The following VPS54 variants were observed in gnomAD, a reference collection of about 807,000 sequenced individuals.
VPS54 encodes VPS54 subunit of GARP complex.
A neutral mutation model predicts 121.5 loss-of-function variants in VPS54; 45 were observed. The observed-to-expected ratio is 0.37, with a 90% CI of 0.29 to 0.47. The LOEUF (loss-of-function observed/expected upper bound fraction) is 0.47, where lower values mean the gene tolerates loss of function less well. Among genes scored for constraint, VPS54 ranks in the 20% least tolerant of loss-of-function variants. VPS54 has a pLI of 0.99. For missense variants in VPS54, 1,090 were observed against 1,131.4 expected (o/e 0.96, Z 0.52); for synonymous variants, 371 against 385.8 (o/e 0.96, Z 0.45).
chr2:63,917,695 T>A (rs17555655), intron 15 of VPS54, among the ~76,000 whole-genome samples: 26,692 of 151,886 alleles, frequency 0.18, 3,108 homozygotes, highest in Non-Finnish European at 0.24. Flanking sequence ...TTACTATGTA[T>A]GTCAGAAGTA....
intron 3 of VPS54, chr2:63,975,596 G>A (rs1209015378): frequency 6.6e-6 from 1 of 152,342 alleles, no homozygotes; most frequent in African/African-American, 2.4e-5. Context: ...CCCCACCCAG[G>A]AACTGACTCA....
intron 11 of VPS54, among the ~76,000 whole-genome samples, chr2:63,940,898 A>G (rs573410129): frequency 2.3e-4 from 35 of 152,338 alleles, no homozygotes; most frequent in African/African-American, 8.4e-4. Flanking sequence ...TGTGTCTGTC[A>G]CTATCTATAG....
At chr2:63,974,454 G>A (rs1274370401) in intron 3 of VPS54, among the ~76,000 whole-genome samples, 1 of 152,120 alleles carries the variant, frequency 6.6e-6, no homozygotes, top group Non-Finnish European at 1.5e-5. Flanking sequence ...AAGCTTTAGA[G>A]TCAGTTTTCA....
chr2:63,974,543 T>C (rs541410802), intron 3 of VPS54, among the ~76,000 whole-genome samples: 1 of 152,344 alleles, frequency 6.6e-6, no homozygotes, highest in South Asian at 2.1e-4. Flanking sequence ...AAGAGACACC[T>C]TGACAATATT....
chr2:63,981,776 G>A lies in VPS54; in HGVS notation c.248C>T (p.Ala83Val). ...LPAALNDPRL[A>V]KRESDFFTKT... ...TGTGAAGAAGTCAGATTCTCTTTTT[G>A]CTAATCTAGGATCGTTTAATGCTGC... Residue 83 changes from alanine (A) to valine (V), a missense_variant, in exon 3 of 23, where the codon GCA (alanine) becomes GTA (valine). By Grantham distance (64) the Ala-to-Val change is moderately conservative. This residue lies in a region of VPS54 where 801 missense variants were observed against 757.0 expected (regional missense o/e 1.06). Transcript: ENST00000272322. The A allele has an allele frequency of 6.2e-7, 1 of 1,613,704 alleles. No homozygotes were observed. The highest frequency in any genetic ancestry group is 8.5e-7 in the Non-Finnish European group (1 of 1,179,774).
intron 4 of VPS54, among the ~76,000 whole-genome samples, chr2:63,971,706 G>A (rs1476893827): frequency 1.3e-5 from 2 of 152,158 alleles, no homozygotes; most frequent in African/African-American, 4.8e-5. Context: ...AATATACAGT[G>A]ATACAATTAT....
intron 17 of VPS54, 142 bp from the exon 18 acceptor site, chr2:63,913,452 T>G: frequency 2.1e-6 from 1 of 475,890 alleles, no homozygotes; most frequent in East Asian, 3.5e-5. Flanking sequence ...AATTAGTATC[T>G]ATTTATTTAA....
chr2:64,005,419 T>C (rs1037555450), intron 1 of VPS54, among the ~76,000 whole-genome samples: 8 of 152,154 alleles, frequency 5.3e-5, no homozygotes, highest in African/African-American at 1.9e-4. Context: ...TGCTTCTTAA[T>C]ACGAATCTAG....
intron 1 of VPS54, among the ~76,000 whole-genome samples, chr2:63,992,484 C>T (rs546515286): frequency 1.2e-4 from 18 of 152,368 alleles, no homozygotes; most frequent in African/African-American, 4.3e-4. Flanking sequence ...TTTAGGTTAT[C>T]CTTTTTAATG....
In VPS54 at chr2:63,968,984, G is replaced by A. The variant is rs779654691; in HGVS notation, c.465C>T (p.Ser155=). The A allele has an allele frequency of 8.7e-6, 14 of 1,600,618 alleles. No homozygotes were observed. Among genetic ancestry groups the A allele is most frequent in the Non-Finnish European group, 1.2e-5 (14 of 1,173,978 alleles). Reference sequence around the variant, plus strand: ...TAGGTACTTGCTCCAGATCTGTCCTGGATTTATCTATTTAAAAAAGAAGGG... The same window carrying A: ...TAGGTACTTGCTCCAGATCTGTCCTAGATTTATCTATTTAAAAAAGAAGGG... The part of the protein sequence containing the change: ...ERTLLHTHDK[S]RTDLEQVPKI... The change falls in exon 5 of 23, where the codon TCC becomes TCT. Residue 155 remains serine (S), a synonymous_variant. Transcript: ENST00000272322.
chr2:63,946,562 A>G (rs1026349236), intron 9 of VPS54, among the ~76,000 whole-genome samples: 2 of 152,114 alleles, frequency 1.3e-5, no homozygotes, highest in Non-Finnish European at 2.9e-5. Flanking sequence ...TTAAACTTAA[A>G]CTTTAAAAAC....
At chr2:63,894,566 G>A (rs1038385964) in intron 22 of VPS54, among the ~76,000 whole-genome samples, 10 of 151,948 alleles carry the variant, frequency 6.6e-5, no homozygotes, top group African/African-American at 1.9e-4. Flanking sequence ...AGCTGGGTGT[G>A]GTGCCACACA....
At position 63,912,570 on chromosome 2, in the gene VPS54, G is replaced by C; in HGVS notation, c.2514C>G (p.Ser838Arg). ...TGATATGATCAAAATGCCTAAGCAT[G>C]CTATATTGCTTAGGTGGTAGTCGAG... ...FEARLPPKQY[S>R]MLRHFDHITK... Residue 838 changes from serine to arginine, a missense_variant, in exon 19 of 23, where the codon AGC (serine) becomes AGG (arginine). Around this residue, in one of 2 missense-constraint regions of VPS54, gnomAD observed 289 missense variants for 374.4 expected, o/e 0.77. Coordinates refer to ENST00000272322, the MANE Select transcript of VPS54 (RefSeq NM_016516.3). The C allele has an allele frequency of 6.2e-7, 1 of 1,609,500 alleles. No homozygotes were observed. Among genetic ancestry groups the C allele is most frequent in the Non-Finnish European group, 8.5e-7 (1 of 1,178,882 alleles).
intron 21 of VPS54, among the ~76,000 whole-genome samples, chr2:63,898,295 G>A (rs1672528019): frequency 6.6e-6 from 1 of 152,162 alleles, no homozygotes; most frequent in South Asian, 2.1e-4. Flanking sequence ...CAGAAGGTTA[G>A]AATGTCAGAG....
At chr2:63,970,031 C>T (rs983555672) in intron 4 of VPS54, among the ~76,000 whole-genome samples, 1 of 151,556 alleles carries the variant, frequency 6.6e-6, no homozygotes, top group Admixed American at 6.6e-5. Flanking sequence ...AGATAAGGTA[C>T]TACTCTCCTC....
At chr2:63,965,391 G>A (rs952028647) in intron 6 of VPS54, among the ~76,000 whole-genome samples, 3 of 152,140 alleles carry the variant, frequency 2.0e-5, no homozygotes, top group African/African-American at 7.2e-5. Flanking sequence ...AAGGAGAATT[G>A]CTTGAACCCA....
intron 1 of VPS54, among the ~76,000 whole-genome samples, chr2:64,001,611 C>T: frequency 1.3e-5 from 2 of 152,072 alleles, no homozygotes; most frequent in Non-Finnish European, 1.5e-5. Flanking sequence ...GGGTCCCTCC[C>T]TTCAAGGCAA....
At chr2:63,975,077 A>C in intron 3 of VPS54, 5 of 1,535,242 alleles carry the variant, frequency 3.3e-6, no homozygotes, top group Non-Finnish European at 4.4e-6. Flanking sequence ...ACAGAGTCTC[A>C]CTCTGTCACC....
chr2:63,942,639 G>A, intron 10 of VPS54, 78 bp from the exon 11 acceptor site: 4 of 1,194,884 alleles, frequency 3.3e-6, no homozygotes, highest in Non-Finnish European at 4.7e-6. Context: ...TGGAAGAAAT[G>A]AGACTAAATA....
Sources: gnomAD v4.1 joint callset for allele counts (sites outside exome capture counted in the v4.1 genomes callset) on GRCh38, gnomAD v4.1.1 for gene constraint, gnomAD v4.1.1 regional missense constraint, MANE v1.5 for transcripts, NCBI Gene and HGNC (gene_info 2026-07-23, HGNC 2026-07-21) for gene names.